NRIP1: variants seen among roughly 807,000 people sequenced by gnomAD.
The protein encoded by NRIP1 is nuclear receptor interacting protein 1.
NRIP1 carries 28 observed loss-of-function variants against 75.0 expected under a neutral mutation model. That is an observed-to-expected ratio of 0.37 (90% CI 0.28 to 0.51). The LOEUF is 0.51. Ranked by LOEUF, NRIP1 falls within the 20% of genes least tolerant of loss-of-function variation. The pLI, the probability that NRIP1 is intolerant of heterozygous loss-of-function variation, is 0.92. For missense variants in NRIP1, 1,435 were observed against 1,343.7 expected, an observed-to-expected ratio of 1.07 and a Z score of -1.06; for synonymous variants, 526 against 487.6, an observed-to-expected ratio of 1.08 and a Z score of -1.04.
Position 14,965,107 on chromosome 21 carries a change from A to G in NRIP1, c.3086T>C (p.Leu1029Pro). Residue 1029 changes from leucine (L) to proline (P), a missense_variant, in exon 4 of 4, where the codon CTT (leucine) becomes CCT (proline). By Grantham distance (98) the Leu-to-Pro change is moderately conservative. Coordinates refer to ENST00000318948, the MANE Select transcript of NRIP1 (RefSeq NM_003489.4). Reference sequence around the variant, plus strand: ...ACTGGGCATGGAACACCCATTCAAAAGCCCAGATTCTGGTCTAGACCCTGC... The same window carrying G: ...ACTGGGCATGGAACACCCATTCAAAGGCCCAGATTCTGGTCTAGACCCTGC... The part of the protein sequence containing the change: ...GCAGSRPESG[L>P]LNGCSMPSEK... The G allele has an allele frequency of 6.2e-7, 1 of 1,613,326 alleles. No homozygotes were observed. Among genetic ancestry groups the G allele is most frequent in the South Asian group, 1.1e-5 (1 of 91,068 alleles).
intron 3 of NRIP1, among the ~76,000 whole-genome samples, chr21:15,006,318 A>C (rs1002311503): frequency 6.6e-6 from 1 of 152,220 alleles, no homozygotes; most frequent in African/African-American, 2.4e-5. Context: ...TAATGCCAGT[A>C]GAGGGTGTTT....
chr21:14,966,305 G>T lies in NRIP1; in HGVS notation c.1888C>A (p.Leu630Met). The T allele has an allele frequency of 6.2e-7, 1 of 1,614,124 alleles. No homozygotes were observed. The highest frequency in any genetic ancestry group is 8.5e-7 in the Non-Finnish European group (1 of 1,179,992). ...QNSATFSASK[L>M]LQNLAQCGMQ... is the part of the protein sequence containing the mutation. ...CCACATTGTGCTAAATTTTGTAACA[G>T]CTTACTGGCACTAAACGTTGCAGAG... Residue 630 changes from leucine (L) to methionine (M), a missense_variant, in exon 4 of 4, where the codon CTG becomes ATG. Coordinates refer to ENST00000318948, the MANE Select transcript of NRIP1 (RefSeq NM_003489.4).
At chr21:15,003,128 T>C (rs899547710) in intron 3 of NRIP1, among the ~76,000 whole-genome samples, 3 of 152,206 alleles carry the variant, frequency 2.0e-5, no homozygotes, top group Non-Finnish European at 4.4e-5. Context: ...AGTCATTGAG[T>C]AGGCGAATGA....
At chr21:15,030,881 T>G (rs1414817754) in intron 2 of NRIP1, among the ~76,000 whole-genome samples, 1 of 150,934 alleles carries the variant, frequency 6.6e-6, no homozygotes, top group African/African-American at 2.4e-5. Context: ...GTGTGTACAC[T>G]CTGGAAGGCG....
intron 3 of NRIP1, among the ~76,000 whole-genome samples, chr21:14,987,671 T>C (rs17000335): frequency 0.017 from 2,531 of 152,310 alleles, 79 homozygotes; most frequent in African/African-American, 0.058. Context: ...TCACTGACCG[T>C]TGATTCCTAC....
rs1185541947 is a variant in NRIP1, at chr21:14,964,132, T to C, written c.*584A>G. 6.6e-6 allele frequency: 1 copy of C among 152,112 alleles called. No individual in the cohort carries two copies. The highest frequency in any genetic ancestry group is 1.9e-4 in the East Asian group (1 of 5,134). The allele number at this position is 152,112 out of a possible 1,614,324, so 9.4% of individuals were successfully genotyped here. ...AAGGATCAGGGTGGGACAGACACAT[T>C]GGGAACCACAAAACCTCTTCCAAGA... On this transcript the variant is annotated 3_prime_UTR_variant, in exon 4 of 4. Coordinates refer to ENST00000318948, the MANE Select transcript of NRIP1 (RefSeq NM_003489.4).
chr21:15,062,698 G>A (rs996691671), intron 1 of NRIP1, among the ~76,000 whole-genome samples: 2 of 152,168 alleles, frequency 1.3e-5, no homozygotes, highest in African/African-American at 2.4e-5. Flanking sequence ...TATCAGAACT[G>A]TAACAGACAT....
intron 3 of NRIP1, among the ~76,000 whole-genome samples, chr21:14,995,088 G>A (rs1260795550): frequency 6.6e-6 from 1 of 152,114 alleles, no homozygotes; most frequent in African/African-American, 2.4e-5. Context: ...TGCAAATACA[G>A]CTTCTGATCC....
chr21:14,995,813 G>A (rs2087706515), intron 3 of NRIP1, among the ~76,000 whole-genome samples: 1 of 151,656 alleles, frequency 6.6e-6, no homozygotes, highest in Non-Finnish European at 1.5e-5. Flanking sequence ...TTCCTAACTG[G>A]CCCTCCTCCA....
intron 3 of NRIP1, chr21:14,988,262 A>C (rs766830151): frequency 6.6e-6 from 1 of 152,212 alleles, no homozygotes; most frequent in Non-Finnish European, 1.5e-5. Context: ...CATGTAAAAC[A>C]GTATAATATC....
chr21:15,036,206 T>C (rs1205011410), intron 2 of NRIP1, among the ~76,000 whole-genome samples: 2 of 152,230 alleles, frequency 1.3e-5, no homozygotes, highest in East Asian at 1.9e-4. Context: ...CTTTATGCCC[T>C]AGATAATAAA....
At chr21:15,063,024 T>A (rs1402777637) in intron 1 of NRIP1, among the ~76,000 whole-genome samples, 1 of 152,234 alleles carries the variant, frequency 6.6e-6, no homozygotes. Flanking sequence ...AGTCCTTTTT[T>A]TTTTCTGTTA....
intron 1 of NRIP1, among the ~76,000 whole-genome samples, chr21:15,058,706 C>T (rs139411700): frequency 6.6e-6 from 1 of 152,156 alleles, no homozygotes; most frequent in Non-Finnish European, 1.5e-5. Context: ...TAAACGATTC[C>T]CCATCTTACT....
At chr21:14,994,321 C>T (rs1049468736) in intron 3 of NRIP1, among the ~76,000 whole-genome samples, 10 of 152,106 alleles carry the variant, frequency 6.6e-5, no homozygotes, top group African/African-American at 2.2e-4. Context: ...GACGAGGTTT[C>T]GCCATGTTGG....
rs1221303392 is a variant in NRIP1, at chr21:15,031,019, A to ATG, written c.-458+12474_-458+12475dup. Among the ~76,000 whole-genome samples, 106 of 111,440 alleles carry ATG rather than the reference A, an allele frequency of 9.5e-4. 2 individuals are homozygous for ATG. Among genetic ancestry groups the ATG allele is most frequent in the South Asian group, 3.7e-3 (11 of 2,996 alleles). 73.1% of individuals were successfully genotyped at this position (111,440 alleles called of 152,430 possible). On this transcript the variant is annotated intron_variant, in intron 2 of 3. Transcript: ENST00000318948. ...CAGAGGTTCACCACATTCCCTTTCT[A>ATG]TGTGTATACTCTGGAAGGCGGTTGG... is the stretch of plus-strand genomic sequence containing the variant.
intron 2 of NRIP1, among the ~76,000 whole-genome samples, chr21:15,039,941 G>A (rs1470146264): frequency 6.6e-6 from 1 of 152,086 alleles, no homozygotes; most frequent in African/African-American, 2.4e-5. Context: ...AAAATAGGCT[G>A]TTTGAAACTT....
At chr21:15,011,686 G>A (rs1389795181) in intron 3 of NRIP1, among the ~76,000 whole-genome samples, 1 of 152,108 alleles carries the variant, frequency 6.6e-6, no homozygotes, top group African/African-American at 2.4e-5. Context: ...GTATATTCAA[G>A]TGTTTAAGCT....
intron 3 of NRIP1, among the ~76,000 whole-genome samples, chr21:14,974,815 A>G (rs1327569304): frequency 6.6e-6 from 1 of 152,196 alleles, no homozygotes; most frequent in Non-Finnish European, 1.5e-5. Flanking sequence ...TGTGTTTGAG[A>G]AAATTCACCT....
In NRIP1 at chr21:14,966,352, G is replaced by A. The variant is rs2086740528; in HGVS notation, c.1841C>T (p.Ala614Val). Residue 614 changes from alanine (A) to valine (V), a missense_variant, in exon 4 of 4, where the codon GCC (alanine) becomes GTC (valine). Physicochemically the swap from Ala to Val is moderately conservative, Grantham distance 64. Transcript: ENST00000318948. ...KSKDPPGEKP[A>V]QNEGAQNSAT... ...AGAGTTCTGTGCACCTTCATTTTGGGCTGGTTTCTCTCCTGGTGGGTCTTT... is the reference window on the plus strand; with the variant it reads ...AGAGTTCTGTGCACCTTCATTTTGGACTGGTTTCTCTCCTGGTGGGTCTTT... 1.2e-6 allele frequency: 2 copies of A among 1,613,980 alleles called. No homozygotes were observed. The highest frequency in any genetic ancestry group is 1.7e-6 in the Non-Finnish European group (2 of 1,179,950).
Sources: gnomAD v4.1 joint callset for allele counts (sites outside exome capture counted in the v4.1 genomes callset) on GRCh38, gnomAD v4.1.1 for gene constraint, MANE v1.5 for transcripts, NCBI Gene and HGNC (gene_info 2026-07-23, HGNC 2026-07-21) for gene names.